BACE2: variants seen among roughly 807,000 people sequenced by gnomAD.
BACE2 encodes the protein beta-secretase 2, also known as 56 kDa aspartic-like protease.
Under a neutral mutation model 46.2 loss-of-function variants are expected in BACE2, and 17 were observed. The observed-to-expected ratio is 0.37, with a 90% CI of 0.25 to 0.55. The LOEUF is 0.55. Ranked by LOEUF, BACE2 falls within the 20% of genes least tolerant of loss-of-function variation. The pLI is 0.82. For missense variants in BACE2, 595 were observed against 698.1 expected (o/e 0.85, Z 1.66); for synonymous variants, 277 against 295.9 (o/e 0.94, Z 0.66).
rs1988051011 is a variant in BACE2 at position 41,265,710 on chromosome 21, G to A, written c.1303+8384G>A. On this transcript the variant is annotated intron_variant, in intron 8 of 8. Transcript: ENST00000330333. ...TAATGGAGTAATTAACCATATGCTTGGAGGAAAAAGAACCTATAATTTCTG... is the reference window on the plus strand; with the variant it reads ...TAATGGAGTAATTAACCATATGCTTAGAGGAAAAAGAACCTATAATTTCTG... Among the ~76,000 whole-genome samples the A allele has an allele frequency of 2.0e-5, 3 of 151,882 alleles. No individual in the cohort carries two copies. The South Asian group carries it at 6.2e-4, about 32-fold the overall frequency.
At chr21:41,199,849 C>CA (rs947586907) in intron 1 of BACE2, among the ~76,000 whole-genome samples, 30 of 152,208 alleles carry the variant, frequency 2.0e-4, no homozygotes, top group African/African-American at 6.5e-4. Context: ...CTCACACCTC[C>CA]AAAAATAGCC....
chr21:41,216,928 C>CT (rs1430428107), intron 1 of BACE2, among the ~76,000 whole-genome samples: 4 of 151,986 alleles, frequency 2.6e-5, no homozygotes, highest in South Asian at 4.2e-4. Flanking sequence ...TGTAGCTGTT[C>CT]TTTTTTTGTT....
intron 1 of BACE2, among the ~76,000 whole-genome samples, chr21:41,187,914 G>T (rs554972973): frequency 1.3e-5 from 2 of 152,320 alleles, no homozygotes; most frequent in South Asian, 4.1e-4. Flanking sequence ...GTTTACCAAA[G>T]TATAGCTCCC....
rs569800055 is a variant in BACE2, at chr21:41,258,356, A to C, written c.1303+1030A>C. 7.9e-5 allele frequency among the ~76,000 whole-genome samples: 12 copies of C among 152,288 alleles called. 1 individual carries two copies. The South Asian group carries it at 2.3e-3, about 29-fold the overall frequency. ...AGGGGGTTTTGTAGGAATTTGATGG[A>C]TATGAGACGCTGTTGGAGGACAGGT... On this transcript the variant is annotated intron_variant, in intron 8 of 8. Coordinates refer to ENST00000330333, the MANE Select transcript of BACE2 (RefSeq NM_012105.5).
At chr21:41,264,209 G>A (rs80349208) in intron 8 of BACE2, among the ~76,000 whole-genome samples, 1,591 of 151,218 alleles carry the variant, frequency 0.011, 11 homozygotes, top group South Asian at 0.026. Context: ...CTTTGGTTTG[G>A]GGGTCTTTTT....
chr21:41,251,693 C>T (rs958666319), intron 7 of BACE2, among the ~76,000 whole-genome samples: 4 of 151,916 alleles, frequency 2.6e-5, no homozygotes, highest in African/African-American at 9.7e-5. Flanking sequence ...CCCAGCTACC[C>T]CGGAGGCTGA....
intron 1 of BACE2, among the ~76,000 whole-genome samples, chr21:41,174,422 T>C (rs898867886): frequency 6.6e-6 from 1 of 152,076 alleles, no homozygotes; most frequent in African/African-American, 2.4e-5. Context: ...ATTACAGGCG[T>C]GAGCCACCGC....
chr21:41,185,589 C>CA (rs1353263230), intron 1 of BACE2, among the ~76,000 whole-genome samples: 1 of 152,206 alleles, frequency 6.6e-6, no homozygotes, highest in East Asian at 1.9e-4. Flanking sequence ...TGGAAAAAGA[C>CA]AAGACCAATA....
intron 1 of BACE2, among the ~76,000 whole-genome samples, chr21:41,213,907 T>G (rs1986375197): frequency 6.6e-6 from 1 of 152,064 alleles, no homozygotes; most frequent in South Asian, 2.1e-4. Context: ...ATCAGCCATT[T>G]TCCTTGTCCA....
chr21:41,267,001 T>A (rs1471385651), intron 8 of BACE2, among the ~76,000 whole-genome samples: 3 of 151,616 alleles, frequency 2.0e-5, no homozygotes, highest in South Asian at 2.1e-4. Flanking sequence ...TTTGTGTTTG[T>A]CCGATGACAC....
At chr21:41,201,196 G>T (rs555419316) in intron 1 of BACE2, among the ~76,000 whole-genome samples, 29 of 152,318 alleles carry the variant, frequency 1.9e-4, no homozygotes, top group African/African-American at 6.7e-4. Context: ...TTTATCTTAC[G>T]CAGTCTTTTG....
At position 41,220,435 on chromosome 21, in the gene BACE2, C is replaced by A. The variant is rs377601926; in HGVS notation, c.313-5831C>A. ...CCGCCTTGCTCTTTCTGGTGACCAG[C>A]CCCCATCCCGAAGCTACCTAGGGGC... is the stretch of plus-strand genomic sequence containing the variant. On this transcript the variant is annotated intron_variant, in intron 1 of 8. Transcript: ENST00000330333. 2.8e-3 allele frequency among the ~76,000 whole-genome samples: 430 copies of A among 152,270 alleles called. 3 individuals are homozygous for A. The highest frequency in any genetic ancestry group is 9.8e-3 in the African/African-American group (407 of 41,528).
In BACE2 at chr21:41,171,486, G is replaced by T. The variant is rs139121622; in HGVS notation, c.312+2911G>T. Among the ~76,000 whole-genome samples the T allele has an allele frequency of 3.1e-3, 475 of 152,354 alleles. 8 individuals carry two copies. In the East Asian group the frequency reaches 0.053, roughly 17 times the overall value. ...CCCGCCTGAGAGCTGCAAGGCGTGT[G>T]TGCTGGCAGGCAGGGCCACGTTGGC... On this transcript the variant is annotated intron_variant, in intron 1 of 8. Transcript: ENST00000330333.
chr21:41,247,732 G>A (rs1987514836), intron 6 of BACE2, among the ~76,000 whole-genome samples: 1 of 152,230 alleles, frequency 6.6e-6, no homozygotes, highest in African/African-American at 2.4e-5. Context: ...GAGGTAGAGG[G>A]AATGAGATCA....
chr21:41,273,663 T>C lies in BACE2; in HGVS notation c.1304-1708T>C, dbSNP rs146871839. 3.3e-5 allele frequency among the ~76,000 whole-genome samples: 5 copies of C among 152,278 alleles called. No individual in the cohort carries two copies. In the East Asian group the frequency reaches 9.7e-4, roughly 29 times the overall value. On this transcript the variant is annotated intron_variant, in intron 8 of 8. Coordinates refer to ENST00000330333, the MANE Select transcript of BACE2 (RefSeq NM_012105.5). ...ACAATTTGTGCAGTTAACACAATCATCACAGGGTCCTGAGGTGGCATACAT... is the reference window on the plus strand; with the variant it reads ...ACAATTTGTGCAGTTAACACAATCACCACAGGGTCCTGAGGTGGCATACAT...
In BACE2 at chr21:41,278,476, G is replaced by A. The variant is rs1335423760; in HGVS notation, c.*2852G>A. On this transcript the variant is annotated 3_prime_UTR_variant, in exon 9 of 9. Coordinates refer to ENST00000330333, the MANE Select transcript of BACE2 (RefSeq NM_012105.5). The stretch of plus-strand genomic sequence containing the variant: ...CTCAAGAAACAGATGCCCTGTGTGT[G>A]ACCGAGGGGAGTGTTTTTCCACAAC... 2 of 152,182 alleles carry A rather than the reference G, an allele frequency of 1.3e-5. No homozygotes were observed. The highest frequency in any genetic ancestry group is 6.5e-5 in the Admixed American group (1 of 15,282). The allele number at this position is 152,182 out of a possible 1,614,324, so 9.4% of individuals were successfully genotyped here. A position where few individuals can be genotyped will look rare whatever the true frequency, so the allele number is the denominator to read the frequency against.
chr21:41,223,859 G>A (rs753060009), intron 1 of BACE2, among the ~76,000 whole-genome samples: 3 of 152,154 alleles, frequency 2.0e-5, no homozygotes, highest in Non-Finnish European at 4.4e-5. Context: ...GTCAACATGC[G>A]GATGGCATTT....
At chr21:41,273,055 T>C (rs11700718) in intron 8 of BACE2, among the ~76,000 whole-genome samples, 14,952 of 152,224 alleles carry the variant, frequency 0.098, 761 homozygotes, top group East Asian at 0.15. Flanking sequence ...TGATGCCCCC[T>C]GAGCTGCAAA....
At chr21:41,258,787 G>A (rs77005471) in intron 8 of BACE2, among the ~76,000 whole-genome samples, 1,792 of 152,220 alleles carry the variant, frequency 0.012, 26 homozygotes, top group African/African-American at 0.037. Context: ...GACGTATTTC[G>A]CTTTGCATTT....
Sources: gnomAD v4.1 joint callset for allele counts (sites outside exome capture counted in the v4.1 genomes callset) on GRCh38, gnomAD v4.1.1 for gene constraint, MANE v1.5 for transcripts, NCBI Gene and HGNC (gene_info 2026-07-23, HGNC 2026-07-21) for gene names.